The following FMO4 variants were observed in gnomAD, a reference collection of about 807,000 sequenced individuals.
The protein encoded by FMO4 is flavin containing dimethylaniline monoxygenase 4.
In FMO4, 38 loss-of-function variants were observed where a neutral mutation model predicts 43.3. The ratio of observed to expected loss-of-function variants is 0.88; its 90% CI spans 0.68 to 1.15. The LOEUF (loss-of-function observed/expected upper bound fraction) is 1.15, where lower values mean the gene tolerates loss of function less well. Among genes scored for constraint, FMO4 ranks in the 50% most tolerant of loss-of-function variants. FMO4 has a pLI of 0.00. For synonymous variants in FMO4, 224 were observed against 232.2 expected (o/e 0.96, Z 0.32); for missense variants, 631 against 663.3 (o/e 0.95, Z 0.54).
In FMO4 at chr1:171,334,758, T is replaced by C; in HGVS notation, c.1175T>C (p.Phe392Ser). ...ELQARWVTRV[F>S]KGLCKIPPSQ... ...CAAGCACGATGGGTCACAAGAGTAT[T>C]CAAAGGTACCATGACTCTACTGAAA... Residue 392 changes from phenylalanine (F) to serine (S), a missense_variant, in exon 8 of 10, where the codon TTC (phenylalanine) becomes TCC (serine). Phe to Ser is a radical substitution (Grantham distance 155). Transcript: ENST00000367749. The C allele has an allele frequency of 6.5e-7, 1 of 1,543,970 alleles. No homozygotes were observed. The highest frequency in any genetic ancestry group is 8.7e-7 in the Non-Finnish European group (1 of 1,147,152).
At chr1:171,317,375 T>C (rs1483897368) in intron 2 of FMO4, among the ~76,000 whole-genome samples, 1 of 152,148 alleles carries the variant, frequency 6.6e-6, no homozygotes, top group Non-Finnish European at 1.5e-5. Flanking sequence ...CATAAAACAA[T>C]GGAATACTTT....
At chr1:171,340,343 T>C (rs1663319900) in intron 9 of FMO4, among the ~76,000 whole-genome samples, 1 of 152,198 alleles carries the variant, frequency 6.6e-6, no homozygotes, top group South Asian at 2.1e-4. Flanking sequence ...TTTTTACAGT[T>C]AGGGTTTTGC....
intron 6 of FMO4, 37 bp from the exon 7 acceptor site, chr1:171,332,672 C>T (rs1036567224): frequency 3.9e-6 from 6 of 1,547,256 alleles, no homozygotes; most frequent in African/African-American, 2.7e-5. Flanking sequence ...AAATGATGAA[C>T]ATTTATTTAT....
At chr1:171,326,449 A>AT (rs1337575374) in intron 5 of FMO4, among the ~76,000 whole-genome samples, 1 of 152,238 alleles carries the variant, frequency 6.6e-6, no homozygotes, top group Non-Finnish European at 1.5e-5. Context: ...TCAAAATACA[A>AT]TTTTAAAGAG....
In FMO4 at chr1:171,322,977, A is replaced by G. The variant is rs1662496824; in HGVS notation, c.133-27A>G. 3.2e-6 allele frequency: 5 copies of G among 1,586,842 alleles called. 1 individual carries two copies. In the East Asian group the frequency reaches 1.1e-4, roughly 36 times the overall value. On this transcript the variant is annotated intron_variant, in intron 3 of 9. Coordinates refer to ENST00000367749, the MANE Select transcript of FMO4 (RefSeq NM_002022.3). ...CTCTTCCTCCTATCTCCATTATCCC[A>G]ACAAGCTAACTATGCCTTCACCACA...
chr1:171,338,799 T>C (rs1224329474), intron 9 of FMO4, among the ~76,000 whole-genome samples: 2 of 152,222 alleles, frequency 1.3e-5, no homozygotes, highest in East Asian at 1.9e-4. Flanking sequence ...TTTTTAATAA[T>C]GTATTCATTT....
At chr1:171,328,924 CA>C (rs3216452) in intron 5 of FMO4, among the ~76,000 whole-genome samples, 4 of 150,968 alleles carry the variant, frequency 2.6e-5, no homozygotes, top group African/African-American at 9.7e-5. Context: ...CACCCAAAAA[CA>C]AAAAAAAATC....
At chr1:171,333,785 G>A (rs1046083238) in intron 7 of FMO4, among the ~76,000 whole-genome samples, 4 of 152,224 alleles carry the variant, frequency 2.6e-5, no homozygotes, top group African/African-American at 9.6e-5. Flanking sequence ...TATGTTTGAT[G>A]TGATTAGGTA....
intron 3 of FMO4, among the ~76,000 whole-genome samples, chr1:171,322,472 T>C (rs1461440899): frequency 6.6e-6 from 1 of 152,228 alleles, no homozygotes; most frequent in East Asian, 1.9e-4. Flanking sequence ...TTGAAAAATA[T>C]ATTGATTTTA....
intron 2 of FMO4, among the ~76,000 whole-genome samples, chr1:171,317,531 A>C (rs1020531691): frequency 1.2e-4 from 19 of 152,322 alleles, no homozygotes; most frequent in Admixed American, 3.3e-4. Context: ...GAATTAACTC[A>C]GCCCATTTGA....
intron 9 of FMO4, among the ~76,000 whole-genome samples, chr1:171,338,170 T>A (rs1238845009): frequency 2.0e-5 from 3 of 152,086 alleles, no homozygotes; most frequent in Non-Finnish European, 4.4e-5. Flanking sequence ...TCACATCCCA[T>A]ATCGGCAAAT....
chr1:171,324,791 A>C (rs994746544), intron 5 of FMO4, among the ~76,000 whole-genome samples: 2 of 152,194 alleles, frequency 1.3e-5, no homozygotes, highest in African/African-American at 4.8e-5. Context: ...AAAAAAAAGC[A>C]ATATAGTCAC....
In FMO4 at chr1:171,331,984, T is replaced by G. The variant is rs542804783; in HGVS notation, c.627+202T>G. 1.8e-3 allele frequency among the ~76,000 whole-genome samples: 274 copies of G among 152,280 alleles called. 3 individuals carry two copies. Among genetic ancestry groups the G allele is most frequent in the Non-Finnish European group, 2.8e-3 (193 of 68,006 alleles). On this transcript the variant is annotated intron_variant, in intron 6 of 9. Transcript: ENST00000367749. ...TTTAAAAAGCCATGCTTTACAGAAC[T>G]GAACTATCTCCAAGAAGGGTCTAGG... is the stretch of plus-strand genomic sequence containing the variant.
chr1:171,332,084 T>C (rs1401885166), intron 6 of FMO4, among the ~76,000 whole-genome samples: 2 of 152,166 alleles, frequency 1.3e-5, no homozygotes, highest in Admixed American at 6.5e-5. Flanking sequence ...TATAGGCAAA[T>C]TGCTTCACCC....
intron 4 of FMO4, among the ~76,000 whole-genome samples, 191 bp from the exon 5 acceptor site, chr1:171,323,947 A>C (rs929941290): frequency 6.6e-6 from 1 of 152,226 alleles, no homozygotes; most frequent in Non-Finnish European, 1.5e-5. Context: ...TCTTGAGTTA[A>C]AGTCTATATT....
chr1:171,330,840 A>G (rs1346936617), intron 5 of FMO4, among the ~76,000 whole-genome samples: 1 of 152,246 alleles, frequency 6.6e-6, no homozygotes, highest in African/African-American at 2.4e-5. Context: ...TCTTCCTTAC[A>G]TATGTAAATA....
chr1:171,327,238 CTTAAT>C (rs1484665888), intron 5 of FMO4, among the ~76,000 whole-genome samples: 3 of 152,182 alleles, frequency 2.0e-5, no homozygotes, highest in Non-Finnish European at 2.9e-5. Flanking sequence ...TTAACAAATT[CTTAAT>C]TTAAGAAAAT....
rs267598165 is a variant in FMO4 at position 171,324,158 on chromosome 1, G to A, written c.342G>A (p.Thr114=). 1.1e-5 allele frequency: 18 copies of A among 1,612,310 alleles called. No individual in the cohort carries two copies. Among genetic ancestry groups the A allele is most frequent in the Middle Eastern group, 1.6e-4 (1 of 6,064 alleles). Residue 114 remains threonine, a synonymous_variant, in exon 5 of 10, where the codon ACG becomes ACA. Coordinates refer to ENST00000367749, the MANE Select transcript of FMO4 (RefSeq NM_002022.3). ...TTTAGACCACTGTGTGCAGCATAAC[G>A]AAGCGTCCAGACTTCTCCGAAACTG... ...IQFKTTVCSI[T]KRPDFSETGQ...
At position 171,334,448 on chromosome 1, in the gene FMO4, A is replaced by G. The variant is rs1246755064; in HGVS notation, c.865A>G (p.Asn289Asp). ...AKFIVNDELP[N>D]CILCGAITMK... ...ATTCATTGTGAATGATGAGCTGCCA[A>G]ACTGTATCCTCTGTGGGGCAATCAC... The change falls in exon 8 of 10, where the codon AAC (asparagine) becomes GAC (aspartate). Residue 289 changes from asparagine (N) to aspartate (D), a missense_variant. Physicochemically the swap from Asn to Asp is conservative, Grantham distance 23. Transcript: ENST00000367749. 6.3e-7 allele frequency: 1 copy of G among 1,599,972 alleles called. No homozygotes were observed. The highest frequency in any genetic ancestry group is 8.5e-7 in the Non-Finnish European group (1 of 1,175,020).
Sources: allele counts gnomAD v4.1 joint callset (sites outside exome capture counted in the v4.1 genomes callset), GRCh38; gene constraint gnomAD v4.1.1; transcripts MANE v1.5; gene names NCBI Gene and HGNC (gene_info 2026-07-23, HGNC 2026-07-21).